Variants in UGP2 observed in about 807,000 individuals in gnomAD.
UGP2 encodes the protein UTP--glucose-1-phosphate uridylyltransferase.
In UGP2, 40 loss-of-function variants were observed where a neutral mutation model predicts 49.0. That is an observed-to-expected ratio of 0.82 (90% CI 0.63 to 1.06). The LOEUF is 1.06. Among genes scored for constraint, UGP2 ranks in the 50% least tolerant of loss-of-function variants. UGP2 has a pLI of 0.00. For synonymous variants in UGP2, 225 were observed against 213.0 expected (o/e 1.06, Z -0.49); for missense variants, 460 against 603.5 (o/e 0.76, Z 2.49).
chr2:63,863,217 C>T (rs1429611274), intron 3 of UGP2, among the ~76,000 whole-genome samples: 2 of 152,150 alleles, frequency 1.3e-5, no homozygotes, highest in Non-Finnish European at 2.9e-5. Context: ...AGTCTTTGAA[C>T]TTCTTAAAAT....
At position 63,891,210 on chromosome 2, in the gene UGP2, C is replaced by A. The variant is rs149158709; in HGVS notation, c.1510C>A (p.Arg504Ser). 1 of 1,613,076 alleles carries A rather than the reference C, an allele frequency of 6.2e-7. No homozygotes were observed. The highest frequency in any genetic ancestry group is 8.5e-7 in the Non-Finnish European group (1 of 1,179,460). Residue 504 changes from arginine to serine, a missense_variant, in exon 10 of 10, where the codon CGC becomes AGC. Physicochemically the swap from Arg to Ser is moderately radical, Grantham distance 110. Transcript: ENST00000337130. ...GAACAAGATTGTGTCTGGAAACCTT[C>A]GCATCTTGGACCACTGAAATGAAAA... ...LENKIVSGNL[R>S]ILDH
At chr2:63,885,187 C>T (rs1160473991) in intron 5 of UGP2, among the ~76,000 whole-genome samples, 1 of 151,612 alleles carries the variant, frequency 6.6e-6, no homozygotes, top group East Asian at 1.9e-4. Flanking sequence ...GAAAGAGATC[C>T]ACCCCTGAAT....
At chr2:63,870,817 C>T (rs189563267) in intron 3 of UGP2, among the ~76,000 whole-genome samples, 1 of 152,192 alleles carries the variant, frequency 6.6e-6, no homozygotes, top group East Asian at 1.9e-4. Context: ...TATAATAGAG[C>T]CAGAGAACTT....
chr2:63,857,766 C>T, intron 2 of UGP2, 63 bp from the exon 3 acceptor site: 1 of 1,459,188 alleles, frequency 6.9e-7, no homozygotes, highest in Non-Finnish European at 9.5e-7. Flanking sequence ...TTGTATCTGT[C>T]TTTATGTTTT....
chr2:63,885,881 G>A lies in UGP2; in HGVS notation c.868G>A (p.Val290Ile), dbSNP rs748862914. Reference sequence around the variant, plus strand: ...AGTCACAAATAAAACACGTGCAGATGTAAAGGTAAATACCGAGAGGAAGCA... The same window carrying A: ...AGTCACAAATAAAACACGTGCAGATATAAAGGTAAATACCGAGAGGAAGCA... ...MEVTNKTRADVKGGTLTQYEG... is the reference protein window; with the variant it reads ...MEVTNKTRADIKGGTLTQYEG... The change falls in exon 6 of 10, where the codon GTA becomes ATA. Residue 290 changes from valine (V) to isoleucine (I), a missense_variant. Physicochemically the swap from Val to Ile is conservative, Grantham distance 29. Around this residue, in one of 2 missense-constraint regions of UGP2, gnomAD observed 317 missense variants for 473.0 expected, o/e 0.67. Coordinates refer to ENST00000337130, the MANE Select transcript of UGP2 (RefSeq NM_006759.4). The A allele has an allele frequency of 3.2e-6, 5 of 1,580,132 alleles. No individual in the cohort carries two copies.
At chr2:63,888,723 C>T (rs1183604510) in intron 8 of UGP2, 1 of 152,232 alleles carries the variant, frequency 6.6e-6, no homozygotes, top group African/African-American at 2.4e-5. Flanking sequence ...TGGAGAAAAC[C>T]CACACAGATG....
chr2:63,882,491 C>T lies in UGP2; in HGVS notation c.281C>T (p.Ala94Val), dbSNP rs1378908945. 3.1e-6 allele frequency: 5 copies of T among 1,600,894 alleles called. No individual in the cohort carries two copies. The highest frequency in any genetic ancestry group is 3.4e-6 in the Non-Finnish European group (4 of 1,170,786). ...DSIQPYEKIK[A>V]RGLPDNISSV... ...ATTCAACCCTATGAAAAGATAAAGG[C>T]CAGGGGCTTGCCTGATAATATATCT... The change falls in exon 4 of 10, where the codon GCC becomes GTC. Residue 94 changes from alanine to valine, a missense_variant. This residue lies in a region of UGP2 where 143 missense variants were observed against 130.4 expected (regional missense o/e 1.10). Transcript: ENST00000337130.
chr2:63,856,853 G>A lies in UGP2; in HGVS notation c.147+420G>A, dbSNP rs540734267. 110 of 456,180 alleles carry A rather than the reference G, an allele frequency of 2.4e-4. 1 individual carries two copies. The highest frequency in any genetic ancestry group is 6.6e-4 in the South Asian group (42 of 64,000). The allele number at this position is 456,180 out of a possible 1,614,324, so 28.3% of individuals were successfully genotyped here. On this transcript the variant is annotated intron_variant, in intron 2 of 9. Transcript: ENST00000337130. Reference sequence around the variant, plus strand: ...CATAGAAGTTTTCCAGAACTGGGAGGCATTTACTTTTTTACTTGTAAATCA... The same window carrying A: ...CATAGAAGTTTTCCAGAACTGGGAGACATTTACTTTTTTACTTGTAAATCA...
At chr2:63,860,999 A>G (rs527254235) in intron 3 of UGP2, among the ~76,000 whole-genome samples, 3 of 152,056 alleles carry the variant, frequency 2.0e-5, no homozygotes, top group Non-Finnish European at 4.4e-5. Context: ...CTCAGTGAGT[A>G]CATAGATGTT....
At chr2:63,852,912 A>T (rs1669135708) in intron 1 of UGP2, among the ~76,000 whole-genome samples, 1 of 152,160 alleles carries the variant, frequency 6.6e-6, no homozygotes, top group African/African-American at 2.4e-5. Context: ...ATGATCAGTC[A>T]TATTTTGGAC....
chr2:63,887,832 T>C (rs894677297), intron 8 of UGP2, 188 bp downstream of exon 8: 13 of 781,260 alleles, frequency 1.7e-5, no homozygotes, highest in Non-Finnish European at 2.5e-5. Context: ...TGAAACATGA[T>C]TGCCATATGG....
At position 63,885,426 on chromosome 2, in the gene UGP2, A is replaced by G. The variant is rs192657260; in HGVS notation, c.576-163A>G. On this transcript the variant is annotated intron_variant, in intron 5 of 9. Coordinates refer to ENST00000337130, the MANE Select transcript of UGP2 (RefSeq NM_006759.4). ...GGAAAACAGATTTTGGACAACACAG[A>G]TACTGAGAGATTTTCTTAAATGGAT... Among the ~76,000 whole-genome samples the G allele has an allele frequency of 1.7e-3, 259 of 152,330 alleles. 1 individual carries two copies. The highest frequency in any genetic ancestry group is 3.2e-3 in the Non-Finnish European group (217 of 68,040).
At chr2:63,872,846 A>G (rs1670650411) in intron 3 of UGP2, among the ~76,000 whole-genome samples, 2 of 152,014 alleles carry the variant, frequency 1.3e-5, no homozygotes, top group South Asian at 4.1e-4. Flanking sequence ...TTAAATGATA[A>G]CATGTCTAAG....
chr2:63,871,645 T>C (rs1419194911), intron 3 of UGP2, among the ~76,000 whole-genome samples: 1 of 152,276 alleles, frequency 6.6e-6, no homozygotes, highest in African/African-American at 2.4e-5. Context: ...GCCTGATTTC[T>C]GTTACCAATT....
At chr2:63,882,706 G>C in intron 4 of UGP2, 55 bp downstream of exon 4, 1 of 1,429,052 alleles carries the variant, frequency 7.0e-7, no homozygotes, top group South Asian at 1.8e-5. Flanking sequence ...TAGTTTTTAA[G>C]TTATCATAAA....
At chr2:63,859,874 C>G (rs1450402476) in intron 3 of UGP2, among the ~76,000 whole-genome samples, 2 of 152,186 alleles carry the variant, frequency 1.3e-5, no homozygotes, top group African/African-American at 4.8e-5. Flanking sequence ...TAAGTTTGCT[C>G]TTCAACTACG....
intron 3 of UGP2, among the ~76,000 whole-genome samples, chr2:63,870,218 G>C (rs866690731): frequency 6.6e-6 from 1 of 152,016 alleles, no homozygotes; most frequent in African/African-American, 2.4e-5. Flanking sequence ...CACCGTGCCC[G>C]CCCCTAAAAT....
At chr2:63,852,258 A>G (rs1193638185) in intron 1 of UGP2, among the ~76,000 whole-genome samples, 1 of 152,226 alleles carries the variant, frequency 6.6e-6, no homozygotes, top group African/African-American at 2.4e-5. Flanking sequence ...ACTCAAAGCC[A>G]TACTGGCAAT....
At chr2:63,851,039 A>T (rs1387389204) in intron 1 of UGP2, among the ~76,000 whole-genome samples, 1 of 152,224 alleles carries the variant, frequency 6.6e-6, no homozygotes, top group Admixed American at 6.5e-5. Flanking sequence ...ATAAATTTTT[A>T]AAATTATGAT....
Sources: gnomAD v4.1 joint callset for allele counts (sites outside exome capture counted in the v4.1 genomes callset) on GRCh38, gnomAD v4.1.1 for gene constraint, gnomAD v4.1.1 regional missense constraint, MANE v1.5 for transcripts, NCBI Gene and HGNC (gene_info 2026-07-23, HGNC 2026-07-21) for gene names.